ACSS3: variants seen among roughly 807,000 people sequenced by gnomAD.
ACSS3 encodes acyl-CoA synthetase short-chain family member 3, mitochondrial.
Under a neutral mutation model 84.2 loss-of-function variants are expected in ACSS3, and 64 were observed. That is an observed-to-expected ratio of 0.76 (90% confidence interval 0.62 to 0.94). The LOEUF (loss-of-function observed/expected upper bound fraction) is 0.94. ACSS3 is among the 40% of genes least tolerant of loss of function. The pLI is 0.00. For missense variants in ACSS3, 815 were observed against 867.6 expected (o/e 0.94, Z 0.76); for synonymous variants, 317 against 310.1 (o/e 1.02, Z -0.23).
chr12:81,086,806 G>A (rs2121301359), intron 1 of ACSS3, among the ~76,000 whole-genome samples: 1 of 152,210 alleles, frequency 6.6e-6, no homozygotes, highest in Non-Finnish European at 1.5e-5. Context: ...CCACTGTGGT[G>A]TGACATTTGT....
intron 1 of ACSS3, among the ~76,000 whole-genome samples, chr12:81,105,196 A>G (rs1343791): frequency 0.73 from 110,791 of 152,144 alleles, 42,451 homozygotes; most frequent in Non-Finnish European, 0.86. Context: ...TAAAGCGGCC[A>G]TCATAAAAGT....
At chr12:81,090,328 G>A (rs190444705) in intron 1 of ACSS3, among the ~76,000 whole-genome samples, 2 of 152,038 alleles carry the variant, frequency 1.3e-5, no homozygotes, top group East Asian at 3.9e-4. Context: ...TCTACATTTT[G>A]TCACTTCACA....
intron 2 of ACSS3, among the ~76,000 whole-genome samples, chr12:81,133,275 A>G (rs910579723): frequency 1.3e-5 from 2 of 152,150 alleles, no homozygotes; most frequent in African/African-American, 4.8e-5. Flanking sequence ...AAATGAAAGG[A>G]GCCATAAATA....
In ACSS3 at chr12:81,231,082, T is replaced by C; in HGVS notation, c.1540T>C (p.Ser514Pro). 6.2e-7 allele frequency: 1 copy of C among 1,611,038 alleles called. No homozygotes were observed. Among genetic ancestry groups the C allele is most frequent in the Non-Finnish European group, 8.5e-7 (1 of 1,178,236 alleles). Residue 514 changes from serine to proline, a missense_variant, in exon 12 of 16, where the codon TCA (serine) becomes CCA (proline). Ser to Pro is a moderately conservative substitution (Grantham distance 74). Coordinates refer to ENST00000548058, the MANE Select transcript of ACSS3 (RefSeq NM_024560.4). The part of the protein sequence containing the change: ...VKLPLPPGAF[S>P]GLWKNQEAFK... ...GTTACCATTGCCACCTGGGGCTTTT[T>C]CAGGACTCTGGAAGAATCAGGAAGC... is the stretch of plus-strand genomic sequence containing the variant.
intron 3 of ACSS3, among the ~76,000 whole-genome samples, chr12:81,136,864 G>C (rs192351418): frequency 1.4e-3 from 214 of 152,248 alleles, no homozygotes; most frequent in Non-Finnish European, 1.8e-3. Flanking sequence ...TAGGTGGTCT[G>C]TTTGTGAAAC....
At chr12:81,176,078 G>C (rs1286934701) in intron 8 of ACSS3, among the ~76,000 whole-genome samples, 1 of 151,916 alleles carries the variant, frequency 6.6e-6, no homozygotes, top group Non-Finnish European at 1.5e-5. Context: ...AGTTTTTAAA[G>C]AATAAAAATC....
chr12:81,148,315 A>G (rs1164082553), intron 5 of ACSS3, among the ~76,000 whole-genome samples: 1 of 152,142 alleles, frequency 6.6e-6, no homozygotes, highest in Non-Finnish European at 1.5e-5. Flanking sequence ...CATTTACACC[A>G]ACATGTTTTC....
chr12:81,178,462 A>C lies in ACSS3; in HGVS notation c.1250+3523A>C, dbSNP rs886750972. On this transcript the variant is annotated intron_variant, in intron 8 of 15. Transcript: ENST00000548058. ...ACATGTACCCTAAAACTTAAAGTAT[A>C]ATAATAATAAAATAAAAAAAAACAT... Among the ~76,000 whole-genome samples the C allele has an allele frequency of 1.8e-4, 22 of 122,974 alleles. No individual in the cohort carries two copies. The Admixed American group carries it at 1.8e-3, about 10-fold the overall frequency. 80.7% of individuals were successfully genotyped at this position (122,974 alleles called of 152,430 possible).
At chr12:81,097,969 GA>G (rs113773106) in intron 1 of ACSS3, among the ~76,000 whole-genome samples, 2,342 of 148,570 alleles carry the variant, frequency 0.016, 52 homozygotes, top group African/African-American at 0.046. Context: ...TATTGAAGTG[GA>G]AAAAAAAAAG....
At chr12:81,237,136 A>C (rs1023212875) in intron 13 of ACSS3, among the ~76,000 whole-genome samples, 2 of 151,564 alleles carry the variant, frequency 1.3e-5, no homozygotes, top group African/African-American at 2.4e-5. Flanking sequence ...GTTTTACAAC[A>C]TAGAAATGTT....
intron 13 of ACSS3, among the ~76,000 whole-genome samples, chr12:81,242,361 A>T (rs2033835781): frequency 6.6e-6 from 1 of 152,044 alleles, no homozygotes. Flanking sequence ...TTGTGGCAAT[A>T]ATCAATAGCT....
intron 7 of ACSS3, among the ~76,000 whole-genome samples, chr12:81,170,347 TA>T (rs1172395234): frequency 6.6e-6 from 1 of 152,142 alleles, no homozygotes; most frequent in East Asian, 1.9e-4. Flanking sequence ...ATGTTAACAT[TA>T]AGGCATTTTG....
chr12:81,206,426 A>C (rs537899991), intron 9 of ACSS3, among the ~76,000 whole-genome samples: 28 of 152,130 alleles, frequency 1.8e-4, no homozygotes, highest in Non-Finnish European at 3.8e-4. Context: ...TGAATGACTT[A>C]ACTACTGTCT....
intron 2 of ACSS3, among the ~76,000 whole-genome samples, chr12:81,128,831 C>A (rs539242392): frequency 6.8e-4 from 104 of 152,214 alleles, no homozygotes; most frequent in African/African-American, 2.4e-3. Context: ...ACTAGGTGAA[C>A]CCTGAAATAG....
chr12:81,085,376 G>C (rs1881244858), intron 1 of ACSS3, among the ~76,000 whole-genome samples: 1 of 152,170 alleles, frequency 6.6e-6, no homozygotes, highest in African/African-American at 2.4e-5. Context: ...CAGCTGAAAA[G>C]GGAAAAGATA....
chr12:81,252,048 G>C (rs2034170357), intron 13 of ACSS3, among the ~76,000 whole-genome samples: 1 of 151,920 alleles, frequency 6.6e-6, no homozygotes. Flanking sequence ...CAGCCACATT[G>C]GTCTCTTTGA....
chr12:81,177,917 G>T (rs1440585926), intron 8 of ACSS3, among the ~76,000 whole-genome samples: 2 of 152,126 alleles, frequency 1.3e-5, no homozygotes, highest in African/African-American at 4.8e-5. Context: ...GATTCCTCAG[G>T]GATCTAGAAC....
rs758037115 is a variant in ACSS3, at chr12:81,078,248, G to C, written c.128G>C (p.Arg43Pro). 1 of 1,607,688 alleles carries C rather than the reference G, an allele frequency of 6.2e-7. No individual in the cohort carries two copies. Among genetic ancestry groups the C allele is most frequent in the Non-Finnish European group, 8.5e-7 (1 of 1,178,908 alleles). The change falls in exon 1 of 16, where the codon CGG (arginine) becomes CCG (proline). Residue 43 changes from arginine to proline, a missense_variant. Coordinates refer to ENST00000548058, the MANE Select transcript of ACSS3 (RefSeq NM_024560.4). Reference sequence around the variant, plus strand: ...AGGGCTTTAGTGGTCCCGGGCCCGCGGGGCGGTCTCGGGGGCCGGGGATGC... The same window carrying C: ...AGGGCTTTAGTGGTCCCGGGCCCGCCGGGCGGTCTCGGGGGCCGGGGATGC... ...ALRALVVPGP[R>P]GGLGGRGCRA...
At chr12:81,179,271 C>CAAAAAAAAAAAAAAAAAA (rs71098127) in intron 8 of ACSS3, among the ~76,000 whole-genome samples, 6 of 66,798 alleles carry the variant, frequency 9.0e-5, no homozygotes, top group African/African-American at 1.3e-4. Flanking sequence ...AAGTAATTGC[C>CAAAAAAAAAAAAAAAAAA]AAAAAAAAAA....
Sources: allele counts gnomAD v4.1 joint callset (sites outside exome capture counted in the v4.1 genomes callset), GRCh38; gene constraint gnomAD v4.1.1; transcripts MANE v1.5; gene names NCBI Gene and HGNC (gene_info 2026-07-23, HGNC 2026-07-21).